NKAIN3: variants seen among roughly 807,000 people sequenced by gnomAD.
NKAIN3 encodes sodium/potassium transporting ATPase interacting 3, also known as sodium/potassium-transporting ATPase subunit beta-1-interacting protein 3.
A neutral mutation model predicts 30.2 loss-of-function variants in NKAIN3; 25 were observed. The observed-to-expected ratio is 0.83, with a 90% CI of 0.60 to 1.16. The LOEUF (loss-of-function observed/expected upper bound fraction) is 1.16, where lower values mean the gene tolerates loss of function less well. NKAIN3 is among the 50% of genes most tolerant of loss of function. NKAIN3 has a pLI of 0.00. For missense variants in NKAIN3, 225 were observed against 254.1 expected, an observed-to-expected ratio of 0.89 and a Z score of 0.78; for synonymous variants, 91 against 89.6, an observed-to-expected ratio of 1.02 and a Z score of -0.09.
chr8:62,676,531 T>C (rs1035545786), intron 3 of NKAIN3, among the ~76,000 whole-genome samples: 1 of 152,210 alleles, frequency 6.6e-6, no homozygotes, highest in African/African-American at 2.4e-5. Context: ...ATTGCACCAC[T>C]GCACTCCAGC....
At chr8:62,523,397 C>T (rs545683884) in intron 1 of NKAIN3, among the ~76,000 whole-genome samples, 9 of 152,210 alleles carry the variant, frequency 5.9e-5, no homozygotes, top group African/African-American at 1.9e-4. Flanking sequence ...CTGAGGAATG[C>T]TTGACCTTGG....
chr8:62,997,221 T>C (rs1804137652), intron 5 of NKAIN3, among the ~76,000 whole-genome samples: 1 of 152,192 alleles, frequency 6.6e-6, no homozygotes, highest in Non-Finnish European at 1.5e-5. Flanking sequence ...AAAAGTTGCT[T>C]CTGGCACATT....
At chr8:62,499,232 G>GC (rs1807339655) in intron 1 of NKAIN3, among the ~76,000 whole-genome samples, 1 of 152,150 alleles carries the variant, frequency 6.6e-6, no homozygotes, top group Non-Finnish European at 1.5e-5. Context: ...AAAGCTAGCT[G>GC]CAAGTGTCAC....
chr8:62,952,449 G>A (rs1221440040), intron 5 of NKAIN3, among the ~76,000 whole-genome samples: 5 of 151,984 alleles, frequency 3.3e-5, no homozygotes, highest in Admixed American at 2.6e-4. Flanking sequence ...TTTGTGATGA[G>A]GCTAATGTTG....
In NKAIN3 at chr8:62,984,616, A is replaced by G. The variant is rs986361014; in HGVS notation, c.*19209A>G. 3 of 152,358 alleles carry G rather than the reference A, an allele frequency of 2.0e-5. No homozygotes were observed. Among genetic ancestry groups the G allele is most frequent in the East Asian group, 1.9e-4 (1 of 5,186 alleles). The allele number at this position is 152,358 out of a possible 1,614,324, so 9.4% of individuals were successfully genotyped here. ...GAATTAATTGAAAAAGTCAAAGCCT[A>G]TCAGGAGCTATCTTATATGATGTTG... On this transcript the variant is annotated 3_prime_UTR_variant, in exon 7 of 7. Coordinates refer to ENST00000623646, the MANE Select transcript of NKAIN3 (RefSeq NM_001304533.3).
intron 3 of NKAIN3, among the ~76,000 whole-genome samples, chr8:62,695,944 T>G (rs1320311562): frequency 6.6e-6 from 1 of 152,142 alleles, no homozygotes; most frequent in East Asian, 1.9e-4. Context: ...TGGTCCCAAA[T>G]GAAGGAATTT....
At chr8:62,687,976 T>C (rs1351734266) in intron 3 of NKAIN3, among the ~76,000 whole-genome samples, 1 of 152,262 alleles carries the variant, frequency 6.6e-6, no homozygotes, top group Admixed American at 6.5e-5. Context: ...GGAAGAACCA[T>C]ATTATTCTGC....
At chr8:62,371,395 C>T (rs1324745674) in intron 1 of NKAIN3, among the ~76,000 whole-genome samples, 1 of 151,810 alleles carries the variant, frequency 6.6e-6, no homozygotes, top group Non-Finnish European at 1.5e-5. Context: ...GACTTAGTTC[C>T]ATTTTAAAAA....
At chr8:62,760,040 G>T (rs1816594991) in intron 4 of NKAIN3, among the ~76,000 whole-genome samples, 1 of 144,552 alleles carries the variant, frequency 6.9e-6, no homozygotes, top group South Asian at 2.2e-4. Flanking sequence ...CATCATCACT[G>T]GCCATCAGAG....
chr8:62,393,202 T>G (rs991322227), intron 1 of NKAIN3, among the ~76,000 whole-genome samples: 3 of 152,106 alleles, frequency 2.0e-5, no homozygotes, highest in Non-Finnish European at 4.4e-5. Flanking sequence ...TAAAGATTTC[T>G]CCCAGATTTT....
intron 4 of NKAIN3, among the ~76,000 whole-genome samples, chr8:62,805,330 G>A (rs1261952198): frequency 6.6e-6 from 1 of 151,734 alleles, no homozygotes; most frequent in Non-Finnish European, 1.5e-5. Context: ...CCAAAAAAGA[G>A]CCCGCATTGC....
intron 1 of NKAIN3, among the ~76,000 whole-genome samples, chr8:62,433,950 A>G (rs867665017): frequency 6.6e-6 from 1 of 152,150 alleles, no homozygotes; most frequent in South Asian, 2.1e-4. Context: ...TCCATCCACC[A>G]TATCTTTATT....
intron 3 of NKAIN3, among the ~76,000 whole-genome samples, chr8:62,652,568 CA>C (rs758159387): frequency 2.0e-5 from 3 of 151,860 alleles, no homozygotes; most frequent in African/African-American, 7.3e-5. Flanking sequence ...AGATAATTAG[CA>C]AAAAAATATT....
chr8:62,699,159 A>G (rs1814254486), intron 3 of NKAIN3, among the ~76,000 whole-genome samples: 1 of 152,198 alleles, frequency 6.6e-6, no homozygotes, highest in Non-Finnish European at 1.5e-5. Flanking sequence ...CAAGATTCAT[A>G]TCAATAGTTT....
chr8:62,414,682 G>A (rs567325444), intron 1 of NKAIN3, among the ~76,000 whole-genome samples: 24 of 152,192 alleles, frequency 1.6e-4, no homozygotes, highest in African/African-American at 4.6e-4. Flanking sequence ...ACAGTATCTC[G>A]TGAAATCTCT....
chr8:62,975,909 C>T lies in NKAIN3; in HGVS notation c.*10502C>T, dbSNP rs577879990. On this transcript the variant is annotated 3_prime_UTR_variant, in exon 7 of 7. Coordinates refer to ENST00000623646, the MANE Select transcript of NKAIN3 (RefSeq NM_001304533.3). ...CTTTGTTCTTGTTGGTTTCAAAGAA[C>T]TTATTTATTTCTGCTGTGATCTCAT... 5.9e-5 allele frequency among the ~76,000 whole-genome samples: 9 copies of T among 152,218 alleles called. No individual in the cohort carries two copies. The East Asian group carries it at 1.5e-3, about 26-fold the overall frequency.
intron 3 of NKAIN3, among the ~76,000 whole-genome samples, chr8:62,595,330 C>T (rs1466885108): frequency 1.3e-5 from 2 of 149,134 alleles, no homozygotes; most frequent in African/African-American, 4.9e-5. Flanking sequence ...TCTAGAGTGT[C>T]ATTAGCACAA....
chr8:62,908,089 A>C (rs145497346), intron 4 of NKAIN3, among the ~76,000 whole-genome samples: 2 of 152,090 alleles, frequency 1.3e-5, no homozygotes, highest in East Asian at 3.9e-4. Flanking sequence ...GACCATGGGA[A>C]CCCCCTCCCT....
intron 5 of NKAIN3, among the ~76,000 whole-genome samples, chr8:62,932,005 A>T (rs1455572): frequency 0.54 from 82,397 of 151,940 alleles, 22,652 homozygotes; most frequent in East Asian, 0.71. Flanking sequence ...TTCTGAGGTC[A>T]CTAAACTGTT....
Sources: gnomAD v4.1 joint callset for allele counts (sites outside exome capture counted in the v4.1 genomes callset) on GRCh38, gnomAD v4.1.1 for gene constraint, MANE v1.5 for transcripts, NCBI Gene and HGNC (gene_info 2026-07-23, HGNC 2026-07-21) for gene names.